GALNT17: variants seen among roughly 807,000 people sequenced by gnomAD.
GALNT17 encodes polypeptide N-acetylgalactosaminyltransferase 17, also known as UDP-GalNAc:polypeptide N-acetylgalactosaminyltransferase-like 3.
Under a neutral mutation model 63.7 loss-of-function variants are expected in GALNT17, and 29 were observed. The observed-to-expected ratio is 0.46, with a 90% CI of 0.34 to 0.62. The LOEUF is 0.62. Ranked by LOEUF, GALNT17 falls within the 20% of genes least tolerant of loss-of-function variation. GALNT17 has a pLI of 0.01. For missense variants in GALNT17, 603 were observed against 799.6 expected (o/e 0.75, Z 2.97); for synonymous variants, 305 against 318.3 (o/e 0.96, Z 0.45).
intron 1 of GALNT17, among the ~76,000 whole-genome samples, chr7:71,234,159 G>A (rs915093203): frequency 6.6e-6 from 1 of 152,184 alleles, no homozygotes; most frequent in Admixed American, 6.5e-5. Context: ...GGGTGGTTTA[G>A]CACAACCAAC....
At chr7:71,705,034 A>T (rs538602013) in intron 9 of GALNT17, among the ~76,000 whole-genome samples, 1 of 152,190 alleles carries the variant, frequency 6.6e-6, no homozygotes, top group Non-Finnish European at 1.5e-5. Flanking sequence ...AAAAAGAAAA[A>T]CTTTGATGCT....
chr7:71,710,743 G>T lies in GALNT17; in HGVS notation c.1501-18G>T. The T allele has an allele frequency of 6.2e-7, 1 of 1,610,834 alleles. No individual in the cohort carries two copies. Among genetic ancestry groups the T allele is most frequent in the Non-Finnish European group, 8.5e-7 (1 of 1,179,558 alleles). ...TGCCTCCCACTTCCATTCCCCTGCT[G>T]CTCTGGTCTCTCGACAGCTTGCCCG... is the stretch of plus-strand genomic sequence containing the variant. On this transcript the variant is annotated intron_variant, in intron 9 of 10. Coordinates refer to ENST00000333538, the MANE Select transcript of GALNT17 (RefSeq NM_022479.3).
intron 3 of GALNT17, among the ~76,000 whole-genome samples, chr7:71,409,053 T>C (rs940072891): frequency 2.7e-4 from 21 of 78,826 alleles, no homozygotes; most frequent in Admixed American, 7.4e-4. Context: ...CACACACACA[T>C]TTAAATATAT....
In GALNT17 at chr7:71,264,231, C is replaced by T. The variant is rs1020808737; in HGVS notation, c.239-71319C>T. 1.1e-4 allele frequency among the ~76,000 whole-genome samples: 17 copies of T among 152,202 alleles called. No homozygotes were observed. The East Asian group carries it at 2.1e-3, about 19-fold the overall frequency. The stretch of plus-strand genomic sequence containing the variant: ...CCTGCTCTCTAGGGGTTGAGCATGC[C>T]GCACATGCTTTCTTTATCATAGGCC... On this transcript the variant is annotated intron_variant, in intron 1 of 10. Transcript: ENST00000333538.
At chr7:71,417,615 G>A (rs187853475) in intron 4 of GALNT17, among the ~76,000 whole-genome samples, 5 of 152,256 alleles carry the variant, frequency 3.3e-5, no homozygotes, top group Admixed American at 1.3e-4. Context: ...GAGATCCAGC[G>A]ATCTGTTGTA....
chr7:71,460,352 C>T (rs1235151726), intron 5 of GALNT17, among the ~76,000 whole-genome samples: 2 of 152,018 alleles, frequency 1.3e-5, no homozygotes, highest in South Asian at 4.2e-4. Flanking sequence ...TGGTGAAAAA[C>T]GATAAAAATA....
At chr7:71,646,193 G>A (rs777979361) in intron 6 of GALNT17, among the ~76,000 whole-genome samples, 6 of 152,082 alleles carry the variant, frequency 3.9e-5, no homozygotes, top group Admixed American at 1.3e-4. Flanking sequence ...CAGAAACCCC[G>A]GATTTCCTGA....
At chr7:71,561,024 G>GT (rs1437738431) in intron 5 of GALNT17, among the ~76,000 whole-genome samples, 3 of 152,002 alleles carry the variant, frequency 2.0e-5, no homozygotes, top group Non-Finnish European at 4.4e-5. Flanking sequence ...TTTTGTTTTT[G>GT]TTTTTTGAGA....
chr7:71,601,255 G>T (rs1359479361), intron 6 of GALNT17, among the ~76,000 whole-genome samples: 1 of 152,054 alleles, frequency 6.6e-6, no homozygotes, highest in African/African-American at 2.4e-5. Context: ...GCATGTGCAG[G>T]TATCTTTTTT....
rs568061500 is a variant in GALNT17, at chr7:71,201,750, C to T, written c.238+68710C>T. Among the ~76,000 whole-genome samples the T allele has an allele frequency of 1.8e-4, 28 of 151,908 alleles. 1 individual carries two copies. In the South Asian group the frequency reaches 5.8e-3, roughly 32 times the overall value. The stretch of plus-strand genomic sequence containing the variant: ...GGGTTCAAGCAATTCGCCTCCCTCA[C>T]CCTTCCGAGTCGCTGGGATTACAGG... On this transcript the variant is annotated intron_variant, in intron 1 of 10. Coordinates refer to ENST00000333538, the MANE Select transcript of GALNT17 (RefSeq NM_022479.3).
In GALNT17 at chr7:71,571,421, C is replaced by G; in HGVS notation, c.1080+19C>G. 1.2e-6 allele frequency: 2 copies of G among 1,602,210 alleles called. No homozygotes were observed. The highest frequency in any genetic ancestry group is 1.7e-6 in the Non-Finnish European group (2 of 1,169,510). ...AATCAAGGTTTGTGACATGGTGTCC[C>G]TTCCTCTTGGTGTGCCCATGTTTGT... On this transcript the variant is annotated intron_variant, in intron 6 of 10. Coordinates refer to ENST00000333538, the MANE Select transcript of GALNT17 (RefSeq NM_022479.3).
intron 9 of GALNT17, chr7:71,685,413 C>G (rs907535526): frequency 2.0e-5 from 3 of 152,220 alleles, no homozygotes; most frequent in African/African-American, 7.2e-5. Context: ...GTCCAACCCC[C>G]GACCTAGTGG....
chr7:71,666,494 G>A (rs573030728), intron 7 of GALNT17, among the ~76,000 whole-genome samples: 1 of 151,948 alleles, frequency 6.6e-6, no homozygotes, highest in South Asian at 2.1e-4. Context: ...AGATCCTGGT[G>A]CAACCGTCAC....
At chr7:71,158,755 T>A (rs966486146) in intron 1 of GALNT17, among the ~76,000 whole-genome samples, 17 of 151,670 alleles carry the variant, frequency 1.1e-4, no homozygotes, top group Admixed American at 2.6e-4. Context: ...TTTTGTATTT[T>A]TAGTAGAGAT....
chr7:71,354,390 T>C (rs1792245294), intron 2 of GALNT17, among the ~76,000 whole-genome samples: 1 of 152,214 alleles, frequency 6.6e-6, no homozygotes, highest in Admixed American at 6.5e-5. Flanking sequence ...TAAGAAAGTA[T>C]TCATTAGTTT....
At chr7:71,701,877 ATATG>A (rs1180311000) in intron 9 of GALNT17, among the ~76,000 whole-genome samples, 1 of 80,856 alleles carries the variant, frequency 1.2e-5, no homozygotes, top group African/African-American at 4.5e-5. Context: ...ATACATATAT[ATATG>A]TATATATATA....
At chr7:71,365,353 T>G (rs954676089) in intron 2 of GALNT17, among the ~76,000 whole-genome samples, 1 of 152,334 alleles carries the variant, frequency 6.6e-6, no homozygotes, top group Non-Finnish European at 1.5e-5. Flanking sequence ...AATTCTCCTG[T>G]TTCAGCCTCC....
chr7:71,634,166 C>T lies in GALNT17; in HGVS notation c.1081-31245C>T, dbSNP rs536511736. 3.3e-5 allele frequency among the ~76,000 whole-genome samples: 5 copies of T among 152,316 alleles called. No individual in the cohort carries two copies. In the East Asian group the frequency reaches 7.7e-4, roughly 24 times the overall value. ...TTTTTGGAGTCTCCAGTGTCTATTA[C>T]TTCCATCTTTCTGTCCATGTGCAAT... On this transcript the variant is annotated intron_variant, in intron 6 of 10. Coordinates refer to ENST00000333538, the MANE Select transcript of GALNT17 (RefSeq NM_022479.3).
At chr7:71,215,054 G>A (rs1305657853) in intron 1 of GALNT17, among the ~76,000 whole-genome samples, 18 of 152,150 alleles carry the variant, frequency 1.2e-4, no homozygotes, top group Non-Finnish European at 2.1e-4. Context: ...GTTCTTAATT[G>A]TCTTATCATT....
Sources: allele counts gnomAD v4.1 joint callset (sites outside exome capture counted in the v4.1 genomes callset), GRCh38; gene constraint gnomAD v4.1.1; transcripts MANE v1.5; gene names NCBI Gene and HGNC (gene_info 2026-07-23, HGNC 2026-07-21).